The following TSNARE1 variants were observed in gnomAD, a reference collection of about 807,000 sequenced individuals.
The protein encoded by TSNARE1 is t-SNARE domain containing 1.
TSNARE1 carries 49 observed loss-of-function variants against 62.0 expected under a neutral mutation model. The ratio of observed to expected loss-of-function variants is 0.79; its 90% CI spans 0.63 to 1.00. The LOEUF is 1.00. TSNARE1 is among the 50% of genes least tolerant of loss of function. The pLI is 0.00. For synonymous variants in TSNARE1, 328 were observed against 294.4 expected, an observed-to-expected ratio of 1.11 and a Z score of -1.17; for missense variants, 755 against 700.1, an observed-to-expected ratio of 1.08 and a Z score of -0.88.
chr8:142,321,060 G>A (rs1829414573), intron 6 of TSNARE1, among the ~76,000 whole-genome samples: 1 of 152,174 alleles, frequency 6.6e-6, no homozygotes, highest in Non-Finnish European at 1.5e-5. Context: ...CAATACCCCA[G>A]GCATCAGATC....
rs199897318 is a variant in TSNARE1, at chr8:142,344,377, G to A, written c.334C>T (p.Arg112Trp). The change falls in exon 4 of 14, where the codon CGG becomes TGG. Residue 112 changes from arginine (R) to tryptophan (W), a missense_variant. Physicochemically the swap from Arg to Trp is moderately radical, Grantham distance 101. Transcript: ENST00000524325. ...CGGGTAGTGCTGGGCCCCGCCATCC[G>A]GCCATGGGGCCCAGCAGCCGAGTCC... ...RKDSAAGPHG[R>W]MAGPSTTRAK... 6.8e-5 allele frequency: 107 copies of A among 1,572,350 alleles called. No individual in the cohort carries two copies. Among genetic ancestry groups the A allele is most frequent in the African/African-American group, 5.1e-4 (37 of 73,094 alleles).
At chr8:142,347,530 A>G (rs1765129399) in intron 2 of TSNARE1, among the ~76,000 whole-genome samples, 2 of 152,180 alleles carry the variant, frequency 1.3e-5, no homozygotes, top group African/African-American at 4.8e-5. Context: ...AACCCCGGAC[A>G]ATGGCCTGTG....
At chr8:142,333,523 G>T (rs1220604644) in intron 4 of TSNARE1, among the ~76,000 whole-genome samples, 2 of 152,216 alleles carry the variant, frequency 1.3e-5, no homozygotes, top group African/African-American at 4.8e-5. Flanking sequence ...CACCAATCCT[G>T]TCTGGGCTGC....
At chr8:142,216,622 C>T (rs1815852792) in intron 13 of TSNARE1, among the ~76,000 whole-genome samples, 1 of 152,164 alleles carries the variant, frequency 6.6e-6, no homozygotes, top group African/African-American at 2.4e-5. Context: ...GCACGGGGCA[C>T]AGGGCTCTGC....
At chr8:142,271,823 G>T in intron 12 of TSNARE1, 1 of 537,852 alleles carries the variant, frequency 1.9e-6, no homozygotes, top group Non-Finnish European at 2.9e-6. Context: ...ACGATGCTCC[G>T]TCTGCAGTGG....
chr8:142,305,107 C>G (rs1439569362), intron 9 of TSNARE1, among the ~76,000 whole-genome samples: 1 of 152,174 alleles, frequency 6.6e-6, no homozygotes. Context: ...GTGCTCCCTC[C>G]CACGATGAAA....
intron 4 of TSNARE1, among the ~76,000 whole-genome samples, chr8:142,332,312 C>T (rs1831171334): frequency 6.6e-6 from 1 of 152,172 alleles, no homozygotes; most frequent in South Asian, 2.1e-4. Flanking sequence ...AGATGAAAGC[C>T]AGCAGGAAAA....
intron 6 of TSNARE1, among the ~76,000 whole-genome samples, chr8:142,323,034 C>T (rs1829710904): frequency 6.6e-6 from 1 of 151,548 alleles, no homozygotes; most frequent in Non-Finnish European, 1.5e-5. Flanking sequence ...AAAGGCCGGC[C>T]TGGACATGTC....
At chr8:142,354,244 G>A (rs888616361) in intron 2 of TSNARE1, among the ~76,000 whole-genome samples, 3 of 152,128 alleles carry the variant, frequency 2.0e-5, no homozygotes, top group African/African-American at 7.2e-5. Context: ...GAGAGCCCCA[G>A]GGGCCTCAGC....
chr8:142,350,019 C>T (rs1455669623), intron 2 of TSNARE1, among the ~76,000 whole-genome samples: 2 of 138,952 alleles, frequency 1.4e-5, no homozygotes, highest in African/African-American at 2.7e-5. Flanking sequence ...AGGCTGGGAC[C>T]AGGGCAGGCA....
chr8:142,275,420 C>T (rs1820302997), intron 11 of TSNARE1: 3 of 985,316 alleles, frequency 3.0e-6, no homozygotes, highest in East Asian at 1.1e-4. Flanking sequence ...TGGGAAAAGC[C>T]GGGCTCGGTG....
At chr8:142,359,354 C>T (rs552343498) in intron 1 of TSNARE1, among the ~76,000 whole-genome samples, 28 of 152,278 alleles carry the variant, frequency 1.8e-4, no homozygotes, top group South Asian at 2.1e-4. Context: ...CACGCTGGCC[C>T]GGTCCAGTGC....
chr8:142,397,668 C>T (rs964420120), intron 1 of TSNARE1, among the ~76,000 whole-genome samples: 3 of 152,194 alleles, frequency 2.0e-5, no homozygotes, highest in South Asian at 2.1e-4. Flanking sequence ...CCCAGGCCAG[C>T]GTGAGTGCCT....
intron 1 of TSNARE1, among the ~76,000 whole-genome samples, chr8:142,369,381 C>T (rs1010363341): frequency 2.0e-5 from 3 of 152,184 alleles, no homozygotes; most frequent in African/African-American, 7.2e-5. Context: ...CATTTCTGAG[C>T]ATAAATATTA....
At chr8:142,376,534 C>T (rs1004399565) in intron 1 of TSNARE1, among the ~76,000 whole-genome samples, 11 of 152,260 alleles carry the variant, frequency 7.2e-5, no homozygotes, top group African/African-American at 2.4e-4. Flanking sequence ...CGGCCTGCAA[C>T]CCAGAAGAGG....
intron 2 of TSNARE1, among the ~76,000 whole-genome samples, chr8:142,353,704 GC>G (rs1231985007): frequency 6.6e-6 from 1 of 152,102 alleles, no homozygotes; most frequent in Non-Finnish European, 1.5e-5. Flanking sequence ...CCCTGAACAG[GC>G]CCCCTGGGGA....
intron 10 of TSNARE1, among the ~76,000 whole-genome samples, chr8:142,299,178 G>C (rs367813444): frequency 6.6e-5 from 10 of 152,150 alleles, no homozygotes; most frequent in African/African-American, 2.4e-4. Flanking sequence ...GGTCAAAGTA[G>C]GGGGTTGCCA....
At chr8:142,229,060 T>A (rs1267169231) in intron 13 of TSNARE1, among the ~76,000 whole-genome samples, 1 of 140,122 alleles carries the variant, frequency 7.1e-6, no homozygotes, top group Non-Finnish European at 1.5e-5. Flanking sequence ...GATAGATGGA[T>A]AAATGGTGGG....
chr8:142,289,079 A>C (rs1228504219), intron 10 of TSNARE1, among the ~76,000 whole-genome samples: 2 of 152,150 alleles, frequency 1.3e-5, no homozygotes, highest in African/African-American at 4.8e-5. Context: ...GCACTCAAAC[A>C]TCGGCCTGGT....
Sources: allele counts gnomAD v4.1 joint callset (sites outside exome capture counted in the v4.1 genomes callset), GRCh38; gene constraint gnomAD v4.1.1; transcripts MANE v1.5; gene names NCBI Gene and HGNC (gene_info 2026-07-23, HGNC 2026-07-21).